The following GALNTL6 variants were observed in gnomAD, a reference collection of about 807,000 sequenced individuals.
GALNTL6 encodes the protein polypeptide N-acetylgalactosaminyltransferase like 6, also known as polypeptide N-acetylgalactosaminyltransferase-like 6.
In GALNTL6, 46 loss-of-function variants were observed where a neutral mutation model predicts 73.7. The observed-to-expected ratio is 0.62, with a 90% CI of 0.49 to 0.80. GALNTL6 has a LOEUF of 0.80. GALNTL6 is among the 30% of genes least tolerant of loss of function. The probability of loss-of-function intolerance (pLI) is 0.00; values close to 1 mark genes in which losing one functional copy is unlikely to be tolerated. For synonymous variants in GALNTL6, 259 were observed against 263.7 expected, an observed-to-expected ratio of 0.98 and a Z score of 0.17; for missense variants, 604 against 755.0, an observed-to-expected ratio of 0.80 and a Z score of 2.34.
chr4:172,181,532 C>T (rs886244986), intron 2 of GALNTL6, among the ~76,000 whole-genome samples: 4 of 151,986 alleles, frequency 2.6e-5, no homozygotes, highest in African/African-American at 7.3e-5. Context: ...CTTTGAAAAC[C>T]GGCACAAGAC....
At chr4:172,556,094 C>T (rs569532936) in intron 5 of GALNTL6, among the ~76,000 whole-genome samples, 42 of 152,100 alleles carry the variant, frequency 2.8e-4, no homozygotes, top group African/African-American at 8.9e-4. Context: ...TTAAATGTGC[C>T]TTAATGTGGA....
At chr4:171,990,198 T>C (rs1050805143) in intron 2 of GALNTL6, among the ~76,000 whole-genome samples, 2 of 152,230 alleles carry the variant, frequency 1.3e-5, no homozygotes, top group Non-Finnish European at 2.9e-5. Context: ...TTATTTATAA[T>C]CTTCATGTGT....
chr4:171,979,765 G>A (rs561424429), intron 2 of GALNTL6, among the ~76,000 whole-genome samples: 31 of 152,304 alleles, frequency 2.0e-4, no homozygotes, highest in African/African-American at 7.5e-4. Context: ...TCTCTGGCCA[G>A]GTTCCGAGCC....
intron 2 of GALNTL6, among the ~76,000 whole-genome samples, chr4:172,048,305 A>C (rs1258827461): frequency 6.6e-6 from 1 of 152,148 alleles, no homozygotes; most frequent in Non-Finnish European, 1.5e-5. Flanking sequence ...ATGAACTTAA[A>C]AAAAGGGATT....
At chr4:172,768,856 C>T (rs1214817369) in intron 5 of GALNTL6, among the ~76,000 whole-genome samples, 1 of 152,012 alleles carries the variant, frequency 6.6e-6, no homozygotes, top group Non-Finnish European at 1.5e-5. Context: ...ACTTGCTAGA[C>T]ATGTGAAACT....
chr4:172,197,962 T>A (rs1221621557), intron 2 of GALNTL6, among the ~76,000 whole-genome samples: 1 of 151,800 alleles, frequency 6.6e-6, no homozygotes, highest in Non-Finnish European at 1.5e-5. Flanking sequence ...ACAAAAAAAA[T>A]TAGCTAGGCA....
chr4:171,880,734 G>A (rs1736422919), intron 2 of GALNTL6, among the ~76,000 whole-genome samples: 1 of 152,078 alleles, frequency 6.6e-6, no homozygotes, highest in African/African-American at 2.4e-5. Flanking sequence ...GGAAATATAG[G>A]CTTATAGTAA....
At chr4:172,590,867 A>C (rs1365564565) in intron 5 of GALNTL6, among the ~76,000 whole-genome samples, 1 of 152,128 alleles carries the variant, frequency 6.6e-6, no homozygotes, top group Non-Finnish European at 1.5e-5. Flanking sequence ...TATTAGATCC[A>C]ATAGTGCATG....
chr4:172,334,904 T>C (rs2111188668), intron 4 of GALNTL6, among the ~76,000 whole-genome samples: 1 of 152,216 alleles, frequency 6.6e-6, no homozygotes, highest in Non-Finnish European at 1.5e-5. Flanking sequence ...CAATGCCTAG[T>C]TTGTTGAAGG....
chr4:172,992,392 A>G (rs1240264050), intron 10 of GALNTL6, among the ~76,000 whole-genome samples: 1 of 152,234 alleles, frequency 6.6e-6, no homozygotes, highest in East Asian at 1.9e-4. Context: ...CTAAATTGTG[A>G]AGACATTTTT....
chr4:171,852,471 C>T (rs1178677373), intron 2 of GALNTL6, among the ~76,000 whole-genome samples: 1 of 151,642 alleles, frequency 6.6e-6, no homozygotes, highest in Non-Finnish European at 1.5e-5. Context: ...TATAAAATAC[C>T]ATTTGCTATT....
chr4:172,610,208 A>C (rs140737203), intron 5 of GALNTL6, among the ~76,000 whole-genome samples: 44 of 151,340 alleles, frequency 2.9e-4, no homozygotes, highest in Non-Finnish European at 4.9e-4. Flanking sequence ...TCTGATTTTG[A>C]TTATTTCTTG....
At chr4:172,593,995 A>G (rs922095718) in intron 5 of GALNTL6, among the ~76,000 whole-genome samples, 8 of 152,274 alleles carry the variant, frequency 5.3e-5, no homozygotes, top group Middle Eastern at 3.4e-3. Flanking sequence ...ACCAAACAGT[A>G]TATTATGGAA....
intron 11 of GALNTL6, among the ~76,000 whole-genome samples, chr4:173,018,884 G>A (rs1207161423): frequency 6.6e-6 from 1 of 152,228 alleles, no homozygotes; most frequent in Non-Finnish European, 1.5e-5. Flanking sequence ...GGGGTTATGT[G>A]AAAAGGTTGT....
intron 12 of GALNTL6, among the ~76,000 whole-genome samples, chr4:173,026,978 A>G (rs1417869726): frequency 3.3e-5 from 5 of 152,150 alleles, no homozygotes; most frequent in Non-Finnish European, 5.9e-5. Context: ...ATATATCTGT[A>G]TATCTATATA....
At chr4:171,828,140 G>A (rs693158) in intron 2 of GALNTL6, among the ~76,000 whole-genome samples, 103,385 of 152,064 alleles carry the variant, frequency 0.68, 37,050 homozygotes, top group East Asian at 0.83. Context: ...GCAGTATTGG[G>A]TTATAATTGC....
rs534744746 is a variant in GALNTL6, at chr4:172,791,006, A to G, written c.554-18355A>G. On this transcript the variant is annotated intron_variant, in intron 5 of 12. Transcript: ENST00000506823. ...AAGTGTGCAGAGAGAATAGGGGATC[A>G]AGGAGATCCTCAATACTGGTCCAGA... Among the ~76,000 whole-genome samples the G allele has an allele frequency of 2.2e-4, 33 of 152,292 alleles. No homozygotes were observed. The South Asian group carries it at 6.6e-3, about 31-fold the overall frequency.
intron 3 of GALNTL6, among the ~76,000 whole-genome samples, chr4:172,251,454 TGACCAAAC>T (rs1266353470): frequency 6.6e-6 from 1 of 152,124 alleles, no homozygotes; most frequent in Non-Finnish European, 1.5e-5. Context: ...TCACAAGTCT[TGACCAAAC>T]CTGAACAGAT....
At chr4:172,366,184 CA>C (rs140971526) in intron 5 of GALNTL6, among the ~76,000 whole-genome samples, 4,181 of 152,140 alleles carry the variant, frequency 0.027, 94 homozygotes, top group Non-Finnish European at 0.034. Flanking sequence ...TTTTCTGATA[CA>C]TTTTTTACAT....
Sources: allele counts gnomAD v4.1 joint callset (sites outside exome capture counted in the v4.1 genomes callset), GRCh38; gene constraint gnomAD v4.1.1; transcripts MANE v1.5; gene names NCBI Gene and HGNC (gene_info 2026-07-23, HGNC 2026-07-21).